ARHGEF26: variants seen among roughly 807,000 people sequenced by gnomAD.
ARHGEF26 encodes the protein Rho guanine nucleotide exchange factor (GEF) 26.
In ARHGEF26, 59 loss-of-function variants were observed where a neutral mutation model predicts 89.4. The observed-to-expected ratio is 0.66, with a 90% CI of 0.54 to 0.82. The LOEUF is 0.82. Among genes scored for constraint, ARHGEF26 ranks in the 40% least tolerant of loss-of-function variants. The pLI, the probability that ARHGEF26 is intolerant of heterozygous loss-of-function variation, is 0.00. For missense variants in ARHGEF26, 1,234 were observed against 1,085.6 expected (o/e 1.14, Z -1.92); for synonymous variants, 500 against 428.4 (o/e 1.17, Z -2.06).
chr3:154,213,558 T>C (rs932472239), intron 9 of ARHGEF26, among the ~76,000 whole-genome samples: 13 of 152,160 alleles, frequency 8.5e-5, no homozygotes, highest in Admixed American at 2.6e-4. Flanking sequence ...CTCCAGCTTT[T>C]GCTGATGGGC....
At chr3:154,201,531 G>C (rs1399596401) in intron 9 of ARHGEF26, among the ~76,000 whole-genome samples, 1 of 152,182 alleles carries the variant, frequency 6.6e-6, no homozygotes, top group Non-Finnish European at 1.5e-5. Context: ...TAATGGGATG[G>C]CTGGGTCAAA....
chr3:154,175,902 A>G (rs1277124851), intron 6 of ARHGEF26, among the ~76,000 whole-genome samples: 4 of 152,376 alleles, frequency 2.6e-5, no homozygotes, highest in Middle Eastern at 6.8e-3. Flanking sequence ...ACTGTAAAGC[A>G]TTATGCAAGG....
At chr3:154,228,581 A>G (rs1030782892) in intron 11 of ARHGEF26, among the ~76,000 whole-genome samples, 1 of 151,076 alleles carries the variant, frequency 6.6e-6, no homozygotes, top group Non-Finnish European at 1.5e-5. Flanking sequence ...TTAGTTCATT[A>G]TATTTCTAGG....
In ARHGEF26 at chr3:154,132,478, A is replaced by G. The variant is rs1576683812; in HGVS notation, c.1269+2759A>G. On this transcript the variant is annotated intron_variant, in intron 4 of 14. Coordinates refer to ENST00000465093, the MANE Select transcript of ARHGEF26 (RefSeq NM_015595.4). ...CCAGTTCTGGCTTTTAGGAAAGTAGATATTTTAACACCAGAAAGCAGCCAT... is the reference window on the plus strand; with the variant it reads ...CCAGTTCTGGCTTTTAGGAAAGTAGGTATTTTAACACCAGAAAGCAGCCAT... Among the ~76,000 whole-genome samples the G allele has an allele frequency of 3.3e-5, 5 of 152,244 alleles. No homozygotes were observed. The South Asian group carries it at 8.3e-4, about 25-fold the overall frequency.
intron 9 of ARHGEF26, among the ~76,000 whole-genome samples, chr3:154,212,563 A>G (rs1356538822): frequency 1.7e-5 from 2 of 120,380 alleles, no homozygotes; most frequent in Non-Finnish European, 3.2e-5. Context: ...ACCCCAGACT[A>G]GTTTCATGGA....
At position 154,124,411 on chromosome 3, in the gene ARHGEF26, A is replaced by G; in HGVS notation, c.1085A>G (p.Lys362Arg). The change falls in exon 3 of 15, where the codon AAA (lysine) becomes AGA (arginine). Residue 362 changes from lysine to arginine, a missense_variant and splice_region_variant. Coordinates refer to ENST00000465093, the MANE Select transcript of ARHGEF26 (RefSeq NM_015595.4). ...TTTTTACTTTTTTTTGTCTCTTAGAAAAAAATGCTGAAAGGACAAGGAACA... is the reference window on the plus strand; with the variant it reads ...TTTTTACTTTTTTTTGTCTCTTAGAGAAAAATGCTGAAAGGACAAGGAACA... Reference protein sequence around the residue: ...EKFSSLGRIKKKMLKGQGTFD... With the variant: ...EKFSSLGRIKRKMLKGQGTFD... 2 of 1,440,900 alleles carry G rather than the reference A, an allele frequency of 1.4e-6. No individual in the cohort carries two copies. The highest frequency in any genetic ancestry group is 1.8e-6 in the Non-Finnish European group (2 of 1,106,234). The allele number at this position is 1,440,900 out of a possible 1,614,324, so 89.3% of individuals were successfully genotyped here.
At position 154,122,032 on chromosome 3, in the gene ARHGEF26, A is replaced by G. The variant is rs1303785420; in HGVS notation, c.40A>G (p.Ile14Val). The stretch of plus-strand genomic sequence containing the variant: ...CGAGGTGGATTTTTCTAGCAACAGC[A>G]TAACCCCTTTGTGGCGGAGGCGGTC... ...ESEVDFSSNS[I>V]TPLWRRRSIP... Residue 14 changes from isoleucine to valine, a missense_variant, in exon 2 of 15, where the codon ATA becomes GTA. Coordinates refer to ENST00000465093, the MANE Select transcript of ARHGEF26 (RefSeq NM_015595.4). The G allele has an allele frequency of 6.2e-7, 1 of 1,610,670 alleles. No homozygotes were observed. Among genetic ancestry groups the G allele is most frequent in the South Asian group, 1.1e-5 (1 of 90,966 alleles).
At position 154,123,025 on chromosome 3, in the gene ARHGEF26, A is replaced by G; in HGVS notation, c.1033A>G (p.Lys345Glu). The G allele has an allele frequency of 1.2e-6, 2 of 1,613,962 alleles. No individual in the cohort carries two copies. Among genetic ancestry groups the G allele is most frequent in the Non-Finnish European group, 1.7e-6 (2 of 1,179,888 alleles). The change falls in exon 2 of 15, where the codon AAA becomes GAA. Residue 345 changes from lysine (K) to glutamate (E), a missense_variant. Transcript: ENST00000465093. ...KKNRMSQPVL[K>E]VVMEDKEKFS... is the part of the protein sequence containing the mutation. ...GAACAGAATGTCCCAGCCTGTTCTG[A>G]AAGTGGTGATGGAAGACAAGGAGAA...
intron 12 of ARHGEF26, among the ~76,000 whole-genome samples, chr3:154,243,698 C>G (rs1447633118): frequency 6.6e-6 from 1 of 152,134 alleles, no homozygotes; most frequent in Non-Finnish European, 1.5e-5. Flanking sequence ...GGACAGAGGT[C>G]TCCTTGGGTA....
intron 11 of ARHGEF26, among the ~76,000 whole-genome samples, chr3:154,237,816 C>T (rs1717215273): frequency 1.3e-5 from 2 of 152,310 alleles, no homozygotes; most frequent in Admixed American, 6.5e-5. Context: ...TATTAGGTTG[C>T]TTCCATTTCT....
intron 11 of ARHGEF26, among the ~76,000 whole-genome samples, chr3:154,229,889 CAA>C (rs1403908816): frequency 6.6e-6 from 1 of 152,116 alleles, no homozygotes; most frequent in African/African-American, 2.4e-5. Context: ...AATTTATTGT[CAA>C]GTTATACTCA....
rs1470665 is a variant in ARHGEF26, at chr3:154,147,020, T to G, written c.1270-2369T>G. Among the ~76,000 whole-genome samples, 465 of 152,350 alleles carry G rather than the reference T, an allele frequency of 3.1e-3. 3 individuals are homozygous for G. The highest frequency in any genetic ancestry group is 0.028 in the South Asian group (136 of 4,830). ...AGGAATAAGAAAGTTCAAATGAGGT[T>G]GCTTTGGCTGTCTGTGTGTTTAAAG... On this transcript the variant is annotated intron_variant, in intron 4 of 14. Transcript: ENST00000465093.
Position 154,155,296 on chromosome 3 carries a change from A to G in ARHGEF26, c.1487+2364A>G, listed in dbSNP as rs151040921. ...TTTAAAATTTGAGATAAGCACTAACATTACATCAACAAAAGTCAAGGAAGG... is the reference window on the plus strand; with the variant it reads ...TTTAAAATTTGAGATAAGCACTAACGTTACATCAACAAAAGTCAAGGAAGG... On this transcript the variant is annotated intron_variant, in intron 6 of 14. Coordinates refer to ENST00000465093, the MANE Select transcript of ARHGEF26 (RefSeq NM_015595.4). Among the ~76,000 whole-genome samples the G allele has an allele frequency of 2.2e-3, 334 of 152,172 alleles. 3 individuals are homozygous for G. The highest frequency in any genetic ancestry group is 7.1e-3 in the African/African-American group (297 of 41,574).
chr3:154,243,952 T>TA (rs548543358), intron 12 of ARHGEF26, among the ~76,000 whole-genome samples: 71 of 152,314 alleles, frequency 4.7e-4, no homozygotes, highest in Non-Finnish European at 5.7e-4. Flanking sequence ...TTTGAGCAAT[T>TA]AGAGTTTTGA....
chr3:154,146,906 A>G (rs532667611), intron 4 of ARHGEF26, among the ~76,000 whole-genome samples: 86 of 152,366 alleles, frequency 5.6e-4, no homozygotes, highest in African/African-American at 2.0e-3. Context: ...AGAACCTCAC[A>G]TTAAATCCAG....
chr3:154,231,338 T>G (rs1355734345), intron 11 of ARHGEF26, among the ~76,000 whole-genome samples: 1 of 152,210 alleles, frequency 6.6e-6, no homozygotes, highest in Non-Finnish European at 1.5e-5. Flanking sequence ...TGTTGAAAGC[T>G]GCCACTACTG....
At position 154,186,350 on chromosome 3, in the gene ARHGEF26, A is replaced by G. The variant is rs533908335; in HGVS notation, c.1488-1335A>G. Among the ~76,000 whole-genome samples the G allele has an allele frequency of 2.0e-5, 3 of 150,458 alleles. No individual in the cohort carries two copies. In the South Asian group the frequency reaches 6.6e-4, roughly 33 times the overall value. Reference sequence around the variant, plus strand: ...CCATCAGCAGATGAATGGATAAACAATTGCTATCTATATGACATATATAAT... The same window carrying G: ...CCATCAGCAGATGAATGGATAAACAGTTGCTATCTATATGACATATATAAT... On this transcript the variant is annotated intron_variant, in intron 6 of 14. Coordinates refer to ENST00000465093, the MANE Select transcript of ARHGEF26 (RefSeq NM_015595.4).
At chr3:154,243,570 G>A (rs574923493) in intron 12 of ARHGEF26, among the ~76,000 whole-genome samples, 1 of 152,286 alleles carries the variant, frequency 6.6e-6, no homozygotes, top group South Asian at 2.1e-4. Flanking sequence ...ATGGTTGTTC[G>A]TTTCCTCAAT....
chr3:154,215,191 T>A (rs919987905), intron 9 of ARHGEF26, among the ~76,000 whole-genome samples: 4 of 152,180 alleles, frequency 2.6e-5, no homozygotes, highest in African/African-American at 9.7e-5. Flanking sequence ...TGCCAGGATC[T>A]TCTTTGACTC....
Sources: gnomAD v4.1 joint callset for allele counts (sites outside exome capture counted in the v4.1 genomes callset) on GRCh38, gnomAD v4.1.1 for gene constraint, MANE v1.5 for transcripts, NCBI Gene and HGNC (gene_info 2026-07-23, HGNC 2026-07-21) for gene names.